Variants in GIMAP8 observed in about 807,000 individuals in gnomAD.
The protein encoded by GIMAP8 is GTPase, IMAP family member 8.
In GIMAP8, 29 loss-of-function variants were observed where a neutral mutation model predicts 35.6. The ratio of observed to expected loss-of-function variants is 0.81; its 90% CI spans 0.61 to 1.11. GIMAP8 has a LOEUF of 1.11. Ranked by LOEUF, GIMAP8 falls within the 50% of genes most tolerant of loss-of-function variation. The probability of loss-of-function intolerance (pLI) is 0.00; values close to 1 mark genes in which losing one functional copy is unlikely to be tolerated. For missense variants in GIMAP8, 811 were observed against 805.0 expected, an observed-to-expected ratio of 1.01 and a Z score of -0.09; for synonymous variants, 335 against 308.7, an observed-to-expected ratio of 1.09 and a Z score of -0.89.
At position 150,470,746 on chromosome 7, in the gene GIMAP8, C is replaced by CTTTTTTTTT. The variant is rs765100972; in HGVS notation, c.637-69_637-61dup. ...CATTCTGAATTAATACTTCAATTTC[C>CTTTTTTTTT]TTTTTTTTTTTTTTTTTTTTTTCAG... On this transcript the variant is annotated intron_variant, in intron 2 of 4. Transcript: ENST00000307271. 1.5e-5 allele frequency: 7 copies of CTTTTTTTTT among 467,998 alleles called. 1 individual carries two copies. Among genetic ancestry groups the CTTTTTTTTT allele is most frequent in the African/African-American group, 7.2e-5 (2 of 27,946 alleles). The allele number at this position is 467,998 out of a possible 1,614,324, so 29.0% of individuals were successfully genotyped here. A position where few individuals can be genotyped will look rare whatever the true frequency, so the allele number is the denominator to read the frequency against.
chr7:150,457,507 C>A (rs1801755407), intron 1 of GIMAP8, among the ~76,000 whole-genome samples: 1 of 152,054 alleles, frequency 6.6e-6, no homozygotes, highest in African/African-American at 2.4e-5. Flanking sequence ...GTGTGTATGA[C>A]AAAAGACATA....
intron 3 of GIMAP8, among the ~76,000 whole-genome samples, chr7:150,471,163 T>C (rs1802082260): frequency 1.3e-5 from 2 of 152,230 alleles, no homozygotes. Context: ...CTCTTCTTTC[T>C]GGCCTTGGAT....
intron 2 of GIMAP8, among the ~76,000 whole-genome samples, chr7:150,469,129 C>T (rs961949004): frequency 3.3e-5 from 5 of 152,234 alleles, no homozygotes; most frequent in Non-Finnish European, 5.9e-5. Flanking sequence ...CTGTGCTCCG[C>T]TGTCTATGCC....
At chr7:150,457,706 C>A (rs1458339185) in intron 1 of GIMAP8, among the ~76,000 whole-genome samples, 1 of 152,198 alleles carries the variant, frequency 6.6e-6, no homozygotes, top group African/African-American at 2.4e-5. Context: ...AAATAACCAA[C>A]AAGCACATGA....
intron 1 of GIMAP8, among the ~76,000 whole-genome samples, chr7:150,457,773 C>T (rs898698106): frequency 6.6e-6 from 1 of 152,124 alleles, no homozygotes; most frequent in Non-Finnish European, 1.5e-5. Context: ...ACTGTTTTAC[C>T]CCTGTCAGAT....
rs895548052 is a variant in GIMAP8, at chr7:150,478,900, C to A, written c.*1120C>A. The A allele has an allele frequency of 6.6e-6, 1 of 152,168 alleles. No individual in the cohort carries two copies. Among genetic ancestry groups the A allele is most frequent in the Non-Finnish European group, 1.5e-5 (1 of 68,044 alleles). 9.4% of individuals were successfully genotyped at this position (152,168 alleles called of 1,614,324 possible). On this transcript the variant is annotated 3_prime_UTR_variant, in exon 5 of 5. Transcript: ENST00000307271. ...TGATATGTGAGAGAGAAATCTGGAA[C>A]CTTCTTCTGGGTAGATACAGGATAA...
chr7:150,476,027 C>G (rs188585878), intron 4 of GIMAP8, among the ~76,000 whole-genome samples: 1 of 152,006 alleles, frequency 6.6e-6, no homozygotes, highest in African/African-American at 2.4e-5. Context: ...GGAGTGGGGC[C>G]GGATTTCAGA....
chr7:150,467,067 T>C lies in GIMAP8; in HGVS notation c.369T>C (p.Ala123=), dbSNP rs61748320. The change falls in exon 2 of 5, where the codon GCT becomes GCC. Residue 123 remains alanine, a synonymous_variant. Transcript: ENST00000307271. ...AGGGCATCCAACAAGTGTTTGGAGCTGAAGCCAGGAGGCACATCATTATTG... is the reference window on the plus strand; with the variant it reads ...AGGGCATCCAACAAGTGTTTGGAGCCGAAGCCAGGAGGCACATCATTATTG... ...TAKGIQQVFG[A]EARRHIIIVF... 0.022 allele frequency: 35,792 copies of C among 1,614,196 alleles called. 494 individuals are homozygous for C. Among genetic ancestry groups the C allele is most frequent in the Non-Finnish European group, 0.027 (32,289 of 1,180,026 alleles).
At chr7:150,469,463 G>C (rs1487887692) in intron 2 of GIMAP8, among the ~76,000 whole-genome samples, 1 of 152,146 alleles carries the variant, frequency 6.6e-6, no homozygotes, top group Non-Finnish European at 1.5e-5. Context: ...GTTGACTATA[G>C]CATCTCAGTT....
At chr7:150,467,598 A>C (rs1335077519) in intron 2 of GIMAP8, among the ~76,000 whole-genome samples, 1 of 152,168 alleles carries the variant, frequency 6.6e-6, no homozygotes, top group Non-Finnish European at 1.5e-5. Context: ...TTCAACACAC[A>C]ATGATTTGTT....
chr7:150,476,722 C>T (rs1011661876), intron 4 of GIMAP8, among the ~76,000 whole-genome samples: 7 of 152,048 alleles, frequency 4.6e-5, no homozygotes, highest in Non-Finnish European at 5.9e-5. Context: ...GATGTGTAGA[C>T]GGAACCCAGC....
chr7:150,456,229 A>G (rs1050049808), intron 1 of GIMAP8, among the ~76,000 whole-genome samples: 3 of 152,184 alleles, frequency 2.0e-5, no homozygotes, highest in Non-Finnish European at 4.4e-5. Context: ...ATTGCCACAA[A>G]CTTAGTGGCT....
In GIMAP8 at chr7:150,477,926, A is replaced by G. The variant is rs1207438611; in HGVS notation, c.*146A>G. 1.6e-5 allele frequency: 10 copies of G among 618,866 alleles called. No individual in the cohort carries two copies. In the East Asian group the frequency reaches 2.8e-4, roughly 17 times the overall value. The allele number at this position is 618,866 out of a possible 1,614,324, so 38.3% of individuals were successfully genotyped here. A position where few individuals can be genotyped will look rare whatever the true frequency, so the allele number is the denominator to read the frequency against. On this transcript the variant is annotated 3_prime_UTR_variant, in exon 5 of 5. Transcript: ENST00000307271. ...AATGCATCCCGCCTTGTGATGTATC[A>G]GCTATTTGTAGATAAATAAATTGCA... is the stretch of plus-strand genomic sequence containing the variant.
chr7:150,477,129 T>G lies in GIMAP8; in HGVS notation c.1347T>G (p.Thr449=). The G allele has an allele frequency of 6.2e-7, 1 of 1,611,612 alleles. No individual in the cohort carries two copies. The highest frequency in any genetic ancestry group is 8.5e-7 in the Non-Finnish European group (1 of 1,177,896). Residue 449 remains threonine (T), a synonymous_variant, in exon 5 of 5, where the codon ACT becomes ACG. Coordinates refer to ENST00000307271, the MANE Select transcript of GIMAP8 (RefSeq NM_175571.4). ...LNIVLVGRSG[T]GKSATGNSIL... is the part of the protein sequence containing the mutation. ...TTGTCCTTGTGGGGAGAAGCGGGAC[T>G]GGGAAGAGTGCGACCGGGAACTCTA...
At chr7:150,475,595 G>A (rs920291701) in intron 4 of GIMAP8, among the ~76,000 whole-genome samples, 2 of 152,046 alleles carry the variant, frequency 1.3e-5, no homozygotes, top group African/African-American at 2.4e-5. Flanking sequence ...AGTGCTACAC[G>A]TTCAGTTGAC....
rs139329895 is a variant in GIMAP8, at chr7:150,463,299, T to A, written c.-28-3372T>A. Reference sequence around the variant, plus strand: ...GTGTTCTCTTTTATATTGTTGATGTTCCTTAAGATCATTATTTTGAATTCC... The same window carrying A: ...GTGTTCTCTTTTATATTGTTGATGTACCTTAAGATCATTATTTTGAATTCC... On this transcript the variant is annotated intron_variant, in intron 1 of 4. Coordinates refer to ENST00000307271, the MANE Select transcript of GIMAP8 (RefSeq NM_175571.4). 1.2e-3 allele frequency among the ~76,000 whole-genome samples: 183 copies of A among 152,312 alleles called. 1 individual carries two copies. The highest frequency in any genetic ancestry group is 3.4e-3 in the Middle Eastern group (1 of 294).
Position 150,454,348 on chromosome 7 carries a change from T to C in GIMAP8, c.-29+3173T>C, listed in dbSNP as rs117278286. Among the ~76,000 whole-genome samples the C allele has an allele frequency of 1.9e-3, 292 of 152,134 alleles. 1 individual carries two copies. The highest frequency in any genetic ancestry group is 3.3e-3 in the Non-Finnish European group (223 of 67,990). ...GAGAACTGTGGCTATTGGTGGACAA[T>C]AGACAGCTGGAGAAGGGTGGAAACC... On this transcript the variant is annotated intron_variant, in intron 1 of 4. Transcript: ENST00000307271.
chr7:150,462,764 G>T (rs1801867417), intron 1 of GIMAP8, among the ~76,000 whole-genome samples: 1 of 152,132 alleles, frequency 6.6e-6, no homozygotes, highest in African/African-American at 2.4e-5. Flanking sequence ...GCTGTTTTTA[G>T]AATTCTTTCT....
At chr7:150,459,956 T>A (rs1801810927) in intron 1 of GIMAP8, among the ~76,000 whole-genome samples, 3 of 152,338 alleles carry the variant, frequency 2.0e-5, no homozygotes, top group Admixed American at 2.0e-4. Context: ...ATGACTGAAG[T>A]GGTCCAATGA....
Sources: gnomAD v4.1 joint callset for allele counts (sites outside exome capture counted in the v4.1 genomes callset) on GRCh38, gnomAD v4.1.1 for gene constraint, MANE v1.5 for transcripts, NCBI Gene and HGNC (gene_info 2026-07-23, HGNC 2026-07-21) for gene names.